Variants in EPHA5 observed in about 807,000 individuals in gnomAD.
EPHA5 encodes EPH receptor A5.
EPHA5 carries 60 observed loss-of-function variants against 105.0 expected under a neutral mutation model. That is an observed-to-expected ratio of 0.57 (90% confidence interval 0.46 to 0.71). The LOEUF (loss-of-function observed/expected upper bound fraction) is 0.71, where lower values mean the gene tolerates loss of function less well. Among genes scored for constraint, EPHA5 ranks in the 30% least tolerant of loss-of-function variants. The probability of loss-of-function intolerance (pLI) is 0.00; values close to 1 mark genes in which losing one functional copy is unlikely to be tolerated. For missense variants in EPHA5, 1,218 were observed against 1,274.7 expected, an observed-to-expected ratio of 0.96 and a Z score of 0.68; for synonymous variants, 513 against 449.1, an observed-to-expected ratio of 1.14 and a Z score of -1.80.
chr4:65,357,989 T>A (rs1277053024), intron 11 of EPHA5, among the ~76,000 whole-genome samples: 1 of 151,390 alleles, frequency 6.6e-6, no homozygotes, highest in Non-Finnish European at 1.5e-5. Flanking sequence ...TGAAACAAAT[T>A]TGGGGAATGT....
At chr4:65,648,677 A>C (rs1748338918) in intron 1 of EPHA5, among the ~76,000 whole-genome samples, 1 of 152,214 alleles carries the variant, frequency 6.6e-6, no homozygotes, top group Admixed American at 6.5e-5. Flanking sequence ...TCAAAGTCAC[A>C]TTGCATACAA....
chr4:65,613,875 C>T (rs1200109861), intron 2 of EPHA5, among the ~76,000 whole-genome samples: 1 of 151,794 alleles, frequency 6.6e-6, no homozygotes, highest in East Asian at 1.9e-4. Context: ...AACATTAGAC[C>T]ATAGAAGTTT....
At chr4:65,519,019 G>T (rs999256748) in intron 3 of EPHA5, among the ~76,000 whole-genome samples, 5 of 152,008 alleles carry the variant, frequency 3.3e-5, no homozygotes, top group Admixed American at 3.3e-4. Flanking sequence ...CCAAAAAAGA[G>T]AATTTTAGAC....
intron 5 of EPHA5, among the ~76,000 whole-genome samples, chr4:65,477,300 A>G (rs933526586): frequency 8.5e-5 from 13 of 152,300 alleles, no homozygotes; most frequent in Non-Finnish European, 1.0e-4. Flanking sequence ...TTTTTTTGTC[A>G]TGATTCAGAG....
At chr4:65,410,572 A>G (rs1327047871) in intron 7 of EPHA5, among the ~76,000 whole-genome samples, 2 of 152,192 alleles carry the variant, frequency 1.3e-5, no homozygotes, top group Non-Finnish European at 2.9e-5. Flanking sequence ...ACGTATCCAC[A>G]TACACATTTA....
chr4:65,508,865 A>G (rs1733325407), intron 3 of EPHA5, among the ~76,000 whole-genome samples: 2 of 152,134 alleles, frequency 1.3e-5, no homozygotes, highest in Non-Finnish European at 2.9e-5. Context: ...TTCTTGGAGT[A>G]GCATATCTGT....
intron 5 of EPHA5, among the ~76,000 whole-genome samples, chr4:65,423,832 T>C (rs1271918627): frequency 6.6e-6 from 1 of 151,960 alleles, no homozygotes; most frequent in Non-Finnish European, 1.5e-5. Flanking sequence ...GATCTGGGTG[T>C]TGAGTGTGTT....
At chr4:65,449,609 T>C (rs1726887922) in intron 5 of EPHA5, among the ~76,000 whole-genome samples, 1 of 152,200 alleles carries the variant, frequency 6.6e-6, no homozygotes, top group Non-Finnish European at 1.5e-5. Context: ...AGTATTGTTA[T>C]GGGTTGAACA....
intron 2 of EPHA5, among the ~76,000 whole-genome samples, chr4:65,607,695 A>T (rs1744369613): frequency 6.6e-6 from 1 of 152,178 alleles, no homozygotes; most frequent in South Asian, 2.1e-4. Flanking sequence ...GATGCTGGAG[A>T]GGGTGTGGAG....
chr4:65,458,075 A>C (rs928481518), intron 5 of EPHA5, among the ~76,000 whole-genome samples: 27 of 19,236 alleles, frequency 1.4e-3, no homozygotes, highest in African/African-American at 3.1e-3. Context: ...CTCCATCCCA[A>C]AAAAAAAAAA....
intron 5 of EPHA5, among the ~76,000 whole-genome samples, chr4:65,451,902 A>G (rs1297314266): frequency 6.6e-6 from 1 of 152,212 alleles, no homozygotes; most frequent in Non-Finnish European, 1.5e-5. Flanking sequence ...GGCTGCTGCC[A>G]GAGGACCTTT....
chr4:65,508,234 G>A (rs1733260153), intron 3 of EPHA5, among the ~76,000 whole-genome samples: 1 of 152,084 alleles, frequency 6.6e-6, no homozygotes, highest in Admixed American at 6.6e-5. Flanking sequence ...TTGATTTGAA[G>A]TATACATTAT....
chr4:65,637,770 C>T (rs188996084), intron 2 of EPHA5, among the ~76,000 whole-genome samples: 70 of 151,614 alleles, frequency 4.6e-4, no homozygotes, highest in African/African-American at 1.6e-3. Context: ...GTAATTTATG[C>T]CCCATTTTAT....
chr4:65,506,912 T>C (rs546517449), intron 3 of EPHA5, among the ~76,000 whole-genome samples: 2 of 152,190 alleles, frequency 1.3e-5, no homozygotes, highest in South Asian at 4.2e-4. Context: ...GCTTTTGGTG[T>C]TTGGTGTTTT....
intron 2 of EPHA5, among the ~76,000 whole-genome samples, chr4:65,631,634 G>A (rs1252689123): frequency 6.6e-6 from 1 of 151,722 alleles, no homozygotes. Context: ...GCTGAACACT[G>A]CATCATACTT....
At chr4:65,395,773 AT>A (rs1324777172) in intron 8 of EPHA5, among the ~76,000 whole-genome samples, 10 of 152,272 alleles carry the variant, frequency 6.6e-5, no homozygotes, top group African/African-American at 2.4e-4. Flanking sequence ...TTTAACAGGC[AT>A]TAAGCCATTT....
intron 3 of EPHA5, chr4:65,573,611 C>G: frequency 6.3e-7 from 1 of 1,599,706 alleles, no homozygotes. Context: ...CTGTCCTTGT[C>G]AGAGGAATTG....
At chr4:65,661,420 C>A (rs4561975) in intron 1 of EPHA5, among the ~76,000 whole-genome samples, 130,498 of 152,016 alleles carry the variant, frequency 0.86, 56,436 homozygotes, top group Non-Finnish European at 0.91. Context: ...TTTCTAGAGA[C>A]ATCAAATACC....
At chr4:65,365,407 A>G (rs577006209) in intron 10 of EPHA5, among the ~76,000 whole-genome samples, 1 of 151,356 alleles carries the variant, frequency 6.6e-6, no homozygotes, top group South Asian at 2.1e-4. Context: ...GGAACAAATC[A>G]TAACAGAGGA....
Sources: allele counts gnomAD v4.1 joint callset (sites outside exome capture counted in the v4.1 genomes callset), GRCh38; gene constraint gnomAD v4.1.1; transcripts MANE v1.5; gene names NCBI Gene and HGNC (gene_info 2026-07-23, HGNC 2026-07-21).